Variants in VDAC1 observed in about 807,000 individuals in gnomAD.
VDAC1 encodes the protein non-selective voltage-gated ion channel VDAC1.
In VDAC1, 10 loss-of-function variants were observed where a neutral mutation model predicts 34.7. The ratio of observed to expected loss-of-function variants is 0.29; its 90% CI spans 0.18 to 0.49. The LOEUF is 0.49. VDAC1 is among the 20% of genes least tolerant of loss of function. VDAC1 has a pLI of 0.99. For missense variants in VDAC1, 230 were observed against 347.9 expected, an observed-to-expected ratio of 0.66 and a Z score of 2.69; for synonymous variants, 130 against 136.0, an observed-to-expected ratio of 0.96 and a Z score of 0.30.
the VDAC1 span, among the ~76,000 whole-genome samples, chr5:134,105,422 C>T: frequency 6.6e-6 from 1 of 152,248 alleles, no homozygotes; most frequent in African/African-American, 2.4e-5. Flanking sequence ...GCTCTCTGAG[C>T]CGCAGTTTCC....
intron 1 of VDAC1, among the ~76,000 whole-genome samples, chr5:133,993,240 TCAA>T (rs1753171413): frequency 6.6e-6 from 1 of 152,136 alleles, no homozygotes; most frequent in African/African-American, 2.4e-5. Flanking sequence ...TGACAGATGA[TCAA>T]CAATTTAGAC....
chr5:133,976,079 A>G, intron 6 of VDAC1, 58 bp from the exon 7 acceptor site: 2 of 1,606,838 alleles, frequency 1.2e-6, no homozygotes, highest in Admixed American at 3.3e-5. Flanking sequence ...TGCAGCCCAG[A>G]CAGATCCACC....
the VDAC1 span, among the ~76,000 whole-genome samples, chr5:134,062,729 C>T: frequency 2.0e-5 from 3 of 151,648 alleles, no homozygotes; most frequent in African/African-American, 4.8e-5. Flanking sequence ...CAGATTCAAG[C>T]GATTCTCCCG....
the VDAC1 span, among the ~76,000 whole-genome samples, chr5:134,058,256 C>T: frequency 6.6e-6 from 1 of 152,070 alleles, no homozygotes; most frequent in African/African-American, 2.4e-5. Flanking sequence ...GAGTGAGTGG[C>T]CAGCGGACCC....
chr5:134,109,104 T>A, the VDAC1 span, among the ~76,000 whole-genome samples: 1 of 145,462 alleles, frequency 6.9e-6, no homozygotes, highest in Non-Finnish European at 1.5e-5. Context: ...ACTTCCTGGA[T>A]TCTAAGTGAT....
intron 3 of VDAC1, 114 bp from the exon 4 acceptor site, chr5:133,991,268 G>C (rs963517629): frequency 7.5e-7 from 1 of 1,331,770 alleles, no homozygotes; most frequent in African/African-American, 1.5e-5. Context: ...AATGTGGGGG[G>C]GCCAAGGCTA....
chr5:134,024,540 G>GA, the VDAC1 span, among the ~76,000 whole-genome samples: 213 of 76,764 alleles, frequency 2.8e-3, 1 homozygote, highest in East Asian at 8.1e-3. Context: ...AAAAAAAAAA[G>GA]AAAAAAAAAA....
chr5:134,031,721 C>A, the VDAC1 span, among the ~76,000 whole-genome samples: 1 of 152,224 alleles, frequency 6.6e-6, no homozygotes, highest in South Asian at 2.1e-4. Flanking sequence ...GAGGCTGAGG[C>A]AGGCGGATCA....
the VDAC1 span, among the ~76,000 whole-genome samples, chr5:134,057,649 A>G: frequency 6.6e-6 from 1 of 151,204 alleles, no homozygotes; most frequent in African/African-American, 2.4e-5. Flanking sequence ...AGATTGCACT[A>G]TTGCACTCCA....
chr5:133,979,796 G>A (rs2126917710), intron 6 of VDAC1, among the ~76,000 whole-genome samples: 1 of 152,282 alleles, frequency 6.6e-6, no homozygotes, highest in South Asian at 2.1e-4. Context: ...ATGTAACCAT[G>A]ACGACAGTCA....
the VDAC1 span, among the ~76,000 whole-genome samples, chr5:134,046,126 C>T: frequency 6.6e-5 from 10 of 151,430 alleles, 1 homozygote; most frequent in East Asian, 1.6e-3. Context: ...CCCGGGTTCA[C>T]GCCATTCTCC....
intron 1 of VDAC1, among the ~76,000 whole-genome samples, chr5:134,001,487 C>A (rs761243057): frequency 6.6e-6 from 1 of 151,962 alleles, no homozygotes; most frequent in Admixed American, 6.6e-5. Context: ...GAGGCCGAGG[C>A]GGGTGGATCA....
chr5:134,006,645 A>C (rs1348356420), upstream of VDAC1, among the ~76,000 whole-genome samples: 1 of 148,976 alleles, frequency 6.7e-6, no homozygotes. Context: ...CAGGAGGCTG[A>C]GGCACGAGAA....
chr5:133,998,970 C>A (rs1028564282), intron 1 of VDAC1, among the ~76,000 whole-genome samples: 1 of 152,116 alleles, frequency 6.6e-6, no homozygotes, highest in Non-Finnish European at 1.5e-5. Flanking sequence ...ACCAGGCCCC[C>A]GCCTGGTAGA....
At chr5:134,005,746 C>G (rs923409351), upstream of VDAC1, among the ~76,000 whole-genome samples, 1 of 152,310 alleles carries the variant, frequency 6.6e-6, no homozygotes, top group African/African-American at 2.4e-5. Context: ...GTCTCGTTCA[C>G]CACTGAGTGT....
the VDAC1 span, among the ~76,000 whole-genome samples, chr5:134,017,971 C>A: frequency 6.6e-6 from 1 of 152,214 alleles, no homozygotes; most frequent in Non-Finnish European, 1.5e-5. Context: ...GGCATAAAGG[C>A]AGGTGACTGA....
chr5:134,100,486 C>A, the VDAC1 span, among the ~76,000 whole-genome samples: 4 of 152,322 alleles, frequency 2.6e-5, no homozygotes, highest in South Asian at 8.3e-4. Flanking sequence ...GGGGTCCTGC[C>A]TGTGATCTAG....
At chr5:134,096,095 G>A in the VDAC1 span, among the ~76,000 whole-genome samples, 1 of 152,174 alleles carries the variant, frequency 6.6e-6, no homozygotes, top group Non-Finnish European at 1.5e-5. Context: ...CGTGCCAGAG[G>A]AGTTTCACTG....
At chr5:134,114,153 C>A in the VDAC1 span, among the ~76,000 whole-genome samples, 1 of 152,262 alleles carries the variant, frequency 6.6e-6, no homozygotes, top group Admixed American at 6.5e-5. Context: ...TGTATGCAGG[C>A]GGCCTAGAAG....
Sources: allele counts gnomAD v4.1 joint callset (sites outside exome capture counted in the v4.1 genomes callset), GRCh38; gene constraint gnomAD v4.1.1; transcripts MANE v1.5; gene names NCBI Gene and HGNC (gene_info 2026-07-23, HGNC 2026-07-21).